The following ATRNL1 variants were observed in gnomAD, a reference collection of about 807,000 sequenced individuals.
ATRNL1 encodes attractin-like protein 1.
ATRNL1 carries 95 observed loss-of-function variants against 182.7 expected under a neutral mutation model. The ratio of observed to expected loss-of-function variants is 0.52; its 90% CI spans 0.44 to 0.62. ATRNL1 has a LOEUF of 0.62. ATRNL1 is among the 20% of genes least tolerant of loss of function. The pLI is 0.00. For missense variants in ATRNL1, 1,471 were observed against 1,679.5 expected, an observed-to-expected ratio of 0.88 and a Z score of 2.17; for synonymous variants, 576 against 568.3, an observed-to-expected ratio of 1.01 and a Z score of -0.19.
At chr10:115,213,135 C>T (rs928908781) in intron 8 of ATRNL1, among the ~76,000 whole-genome samples, 1 of 152,028 alleles carries the variant, frequency 6.6e-6, no homozygotes, top group Non-Finnish European at 1.5e-5. Context: ...TCATTCAAGT[C>T]GTGATTTTTC....
At chr10:115,337,161 A>G (rs1554936995) in intron 19 of ATRNL1, among the ~76,000 whole-genome samples, 1 of 151,768 alleles carries the variant, frequency 6.6e-6, no homozygotes, top group African/African-American at 2.4e-5. Context: ...ATGCCTGGGC[A>G]TTTTTTAAAG....
chr10:115,406,292 C>CT (rs1844825721), intron 20 of ATRNL1, among the ~76,000 whole-genome samples: 1 of 151,982 alleles, frequency 6.6e-6, no homozygotes, highest in Non-Finnish European at 1.5e-5. Flanking sequence ...TGGTTGTTTT[C>CT]TTTTTTTGAT....
At chr10:115,730,539 G>A (rs1947764960) in intron 27 of ATRNL1, among the ~76,000 whole-genome samples, 1 of 151,822 alleles carries the variant, frequency 6.6e-6, no homozygotes, top group Non-Finnish European at 1.5e-5. Context: ...TCTCCAATGT[G>A]TCCATATGTG....
rs568968330 is a variant in ATRNL1, at chr10:115,768,615, A to G, written c.3903+41260A>G. 3.3e-5 allele frequency among the ~76,000 whole-genome samples: 5 copies of G among 152,226 alleles called. No individual in the cohort carries two copies. The South Asian group carries it at 1.0e-3, about 32-fold the overall frequency. ...GTTTTTCCTTGTCAGCAGCAACTCC[A>G]CGCCGTGAACACGCTAACTTTATGT... On this transcript the variant is annotated intron_variant, in intron 27 of 28. Coordinates refer to ENST00000355044, the MANE Select transcript of ATRNL1 (RefSeq NM_207303.4).
rs149957526 is a variant in ATRNL1 at position 115,847,654 on chromosome 10, G to A, written c.3904-223G>A. On this transcript the variant is annotated intron_variant, in intron 27 of 28. Coordinates refer to ENST00000355044, the MANE Select transcript of ATRNL1 (RefSeq NM_207303.4). Reference sequence around the variant, plus strand: ...AGGAACAAAAGTTGCATAACTTTGTGGCTCACAAGCTGCTCGTCAAATATA... The same window carrying A: ...AGGAACAAAAGTTGCATAACTTTGTAGCTCACAAGCTGCTCGTCAAATATA... 3.9e-5 allele frequency among the ~76,000 whole-genome samples: 6 copies of A among 152,240 alleles called. No individual in the cohort carries two copies. The East Asian group carries it at 1.2e-3, about 29-fold the overall frequency.
At position 115,732,434 on chromosome 10, in the gene ATRNL1, T is replaced by G. The variant is rs572249167; in HGVS notation, c.3903+5079T>G. On this transcript the variant is annotated intron_variant, in intron 27 of 28. Coordinates refer to ENST00000355044, the MANE Select transcript of ATRNL1 (RefSeq NM_207303.4). Reference sequence around the variant, plus strand: ...GTGAGTCATCCAACTTTGTTCTTTTTAAAGACTGTTTTAAAGATTGAATTT... The same window carrying G: ...GTGAGTCATCCAACTTTGTTCTTTTGAAAGACTGTTTTAAAGATTGAATTT... Among the ~76,000 whole-genome samples the G allele has an allele frequency of 2.8e-3, 423 of 152,350 alleles. 6 individuals carry two copies. The highest frequency in any genetic ancestry group is 9.7e-3 in the African/African-American group (404 of 41,596).
At chr10:115,752,459 T>A (rs1309966102) in intron 27 of ATRNL1, among the ~76,000 whole-genome samples, 1 of 152,056 alleles carries the variant, frequency 6.6e-6, no homozygotes, top group East Asian at 1.9e-4. Flanking sequence ...CCTACCTTCA[T>A]AGAGCTTACA....
intron 8 of ATRNL1, among the ~76,000 whole-genome samples, chr10:115,190,965 C>A (rs187210026): frequency 2.7e-4 from 41 of 152,122 alleles, no homozygotes; most frequent in African/African-American, 9.2e-4. Flanking sequence ...AGTGAGAATA[C>A]GTGATATTTG....
chr10:115,826,675 G>T (rs1257138112), intron 27 of ATRNL1, among the ~76,000 whole-genome samples: 3 of 152,134 alleles, frequency 2.0e-5, no homozygotes, highest in Non-Finnish European at 4.4e-5. Flanking sequence ...TTGAGCAAAA[G>T]AAAAGCTCTC....
chr10:115,839,224 C>G (rs576480391), intron 27 of ATRNL1, among the ~76,000 whole-genome samples: 12 of 152,190 alleles, frequency 7.9e-5, no homozygotes, highest in African/African-American at 2.6e-4. Flanking sequence ...AGGGACACCG[C>G]AAGTTTCTAA....
chr10:115,659,774 C>T (rs925997513), intron 26 of ATRNL1, among the ~76,000 whole-genome samples: 2 of 151,964 alleles, frequency 1.3e-5, no homozygotes, highest in East Asian at 1.9e-4. Flanking sequence ...AAGAATTAGA[C>T]CCGCAGAGAG....
At chr10:115,171,356 T>C in intron 8 of ATRNL1, 64 bp downstream of exon 8, 1 of 1,384,734 alleles carries the variant, frequency 7.2e-7, no homozygotes, top group Non-Finnish European at 9.8e-7. Context: ...TAATAAAATC[T>C]TCATATGAAT....
intron 26 of ATRNL1, among the ~76,000 whole-genome samples, chr10:115,694,641 T>G (rs185645245): frequency 3.3e-5 from 5 of 152,236 alleles, no homozygotes; most frequent in Non-Finnish European, 7.4e-5. Flanking sequence ...AATGATATTT[T>G]GGAGAGTACT....
chr10:115,148,743 C>T (rs967111334), intron 5 of ATRNL1, among the ~76,000 whole-genome samples: 11 of 116,120 alleles, frequency 9.5e-5, no homozygotes, highest in Admixed American at 1.7e-4. Flanking sequence ...AGGCCAGATG[C>T]GTTTTTTTTT....
chr10:115,922,320 T>G (rs1206289518), intron 28 of ATRNL1, among the ~76,000 whole-genome samples: 1 of 152,164 alleles, frequency 6.6e-6, no homozygotes, highest in Non-Finnish European at 1.5e-5. Context: ...TAGCTAAAAT[T>G]TCATGTCATT....
At chr10:115,661,291 G>A (rs1383460986) in intron 26 of ATRNL1, among the ~76,000 whole-genome samples, 4 of 152,038 alleles carry the variant, frequency 2.6e-5, no homozygotes, top group Non-Finnish European at 5.9e-5. Flanking sequence ...GCATAGAAAT[G>A]TTTTTTAAAT....
chr10:115,311,457 G>T (rs138018796), intron 17 of ATRNL1, among the ~76,000 whole-genome samples: 1,780 of 152,236 alleles, frequency 0.012, 31 homozygotes, highest in African/African-American at 0.039. Flanking sequence ...AAAGTGCTGG[G>T]ATTACAGGCG....
chr10:115,343,925 T>C (rs1855860570), intron 19 of ATRNL1, among the ~76,000 whole-genome samples: 1 of 152,172 alleles, frequency 6.6e-6, no homozygotes, highest in South Asian at 2.1e-4. Context: ...TCTGGGAGAA[T>C]TCTGGATTAC....
At chr10:115,906,826 A>T (rs190578207) in intron 28 of ATRNL1, among the ~76,000 whole-genome samples, 1,542 of 151,148 alleles carry the variant, frequency 0.01, 19 homozygotes, top group African/African-American at 0.034. Context: ...TACTTTTTTT[A>T]AAAAAAAATC....
Sources: gnomAD v4.1 joint callset for allele counts (sites outside exome capture counted in the v4.1 genomes callset) on GRCh38, gnomAD v4.1.1 for gene constraint, MANE v1.5 for transcripts, NCBI Gene and HGNC (gene_info 2026-07-23, HGNC 2026-07-21) for gene names.